UNC13C: variants seen among roughly 807,000 people sequenced by gnomAD.
UNC13C encodes the protein protein unc-13 homolog C.
In UNC13C, 174 loss-of-function variants were observed where a neutral mutation model predicts 245.4. That is an observed-to-expected ratio of 0.71 (90% CI 0.63 to 0.80). The LOEUF (loss-of-function observed/expected upper bound fraction) is 0.80. UNC13C is among the 30% of genes least tolerant of loss of function. The pLI is 0.00. For missense variants in UNC13C, 2,829 were observed against 2,602.9 expected (o/e 1.09, Z -1.89); for synonymous variants, 992 against 895.1 (o/e 1.11, Z -1.93).
chr15:54,247,328 C>T (rs74013539), intron 7 of UNC13C, among the ~76,000 whole-genome samples: 3,862 of 152,134 alleles, frequency 0.025, 161 homozygotes, highest in African/African-American at 0.089. Flanking sequence ...CACTTTTTCC[C>T]TCTTATAGTC....
intron 29 of UNC13C, among the ~76,000 whole-genome samples, chr15:54,560,232 C>T (rs1054515941): frequency 2.8e-4 from 43 of 151,100 alleles, no homozygotes; most frequent in African/African-American, 1.0e-3. Flanking sequence ...GTATATTTAA[C>T]AAAAAAAGGG....
chr15:54,582,219 C>A (rs1898233274), intron 30 of UNC13C, among the ~76,000 whole-genome samples: 2 of 152,102 alleles, frequency 1.3e-5, no homozygotes, highest in South Asian at 4.1e-4. Flanking sequence ...TTATTAAAAT[C>A]TACAGGTCAT....
At chr15:53,895,913 A>T in the UNC13C span, among the ~76,000 whole-genome samples, 1 of 151,918 alleles carries the variant, frequency 6.6e-6, no homozygotes. Context: ...ATTAAGTCTG[A>T]GTCTGTAGGT....
chr15:53,895,864 G>A, the UNC13C span, among the ~76,000 whole-genome samples: 3 of 151,960 alleles, frequency 2.0e-5, no homozygotes, highest in African/African-American at 7.3e-5. Flanking sequence ...CAATCTTAAT[G>A]TCTTTAACAA....
rs532338053 is a variant in UNC13C at position 54,391,982 on chromosome 15, A to C, written c.4714-1066A>C. On this transcript the variant is annotated intron_variant, in intron 17 of 32. Coordinates refer to ENST00000260323, the MANE Select transcript of UNC13C (RefSeq NM_001080534.3). ...GAAGACATGGCAATTGGATATGGCA[A>C]TAGTTTGGGCCAAATACAATCTAAT... Among the ~76,000 whole-genome samples the C allele has an allele frequency of 2.0e-3, 308 of 152,206 alleles. 1 individual carries two copies. Among genetic ancestry groups the C allele is most frequent in the Non-Finnish European group, 2.8e-3 (189 of 67,954 alleles).
chr15:54,463,570 C>T (rs1217130288), intron 19 of UNC13C, among the ~76,000 whole-genome samples: 1 of 152,020 alleles, frequency 6.6e-6, no homozygotes, highest in Non-Finnish European at 1.5e-5. Context: ...GTAACACTCA[C>T]TGCAAAGGTC....
intron 4 of UNC13C, among the ~76,000 whole-genome samples, chr15:54,155,909 T>C (rs1459608573): frequency 1.3e-5 from 2 of 152,194 alleles, no homozygotes; most frequent in Non-Finnish European, 2.9e-5. Flanking sequence ...AAGTGGACAG[T>C]AGTATGTCCG....
intron 4 of UNC13C, among the ~76,000 whole-genome samples, chr15:54,185,895 C>T (rs1304982034): frequency 1.3e-5 from 2 of 151,128 alleles, no homozygotes; most frequent in Non-Finnish European, 1.5e-5. Context: ...ATTCTTCCTA[C>T]CCATGAGCAT....
At chr15:53,877,786 A>G in the UNC13C span, among the ~76,000 whole-genome samples, 2 of 152,218 alleles carry the variant, frequency 1.3e-5, no homozygotes, top group East Asian at 1.9e-4. Context: ...GACATAGACC[A>G]CTTTCCTTTG....
intron 2 of UNC13C, among the ~76,000 whole-genome samples, chr15:54,086,898 C>A (rs1899276532): frequency 6.6e-6 from 1 of 151,814 alleles, no homozygotes; most frequent in Admixed American, 6.6e-5. Flanking sequence ...ACTGACCCAG[C>A]TAATTTTTTG....
intron 2 of UNC13C, among the ~76,000 whole-genome samples, chr15:54,107,767 T>C (rs1330209931): frequency 1.3e-5 from 2 of 152,244 alleles, no homozygotes; most frequent in Non-Finnish European, 2.9e-5. Context: ...TAGGGTGGTT[T>C]TGCTGTTTAC....
At chr15:54,477,861 T>C (rs1892859391) in intron 19 of UNC13C, among the ~76,000 whole-genome samples, 1 of 149,188 alleles carries the variant, frequency 6.7e-6, no homozygotes, top group African/African-American at 2.5e-5. Flanking sequence ...TTTCTATTGA[T>C]TGGAATAGTT....
chr15:54,018,143 AG>A, intron 2 of UNC13C, among the ~76,000 whole-genome samples: 1 of 152,168 alleles, frequency 6.6e-6, no homozygotes. Context: ...GACATTTTCC[AG>A]GCCCCTTTCC....
intron 10 of UNC13C, among the ~76,000 whole-genome samples, chr15:54,277,185 G>A (rs1487388021): frequency 6.6e-6 from 1 of 151,964 alleles, no homozygotes; most frequent in Non-Finnish European, 1.5e-5. Context: ...ATGTTTTCCT[G>A]CCTGATGAAA....
intron 4 of UNC13C, among the ~76,000 whole-genome samples, chr15:54,144,646 G>A (rs762616058): frequency 2.6e-5 from 4 of 151,994 alleles, no homozygotes; most frequent in Non-Finnish European, 5.9e-5. Context: ...GCAACTTGCC[G>A]TTTTCTCTTT....
the UNC13C span, among the ~76,000 whole-genome samples, chr15:53,926,409 A>C: frequency 2.0e-5 from 3 of 152,318 alleles, no homozygotes; most frequent in East Asian, 5.8e-4. Flanking sequence ...TGGATCAAAA[A>C]AGGGATATCA....
At position 54,494,717 on chromosome 15, in the gene UNC13C, T is replaced by G. The variant is rs1893875094; in HGVS notation, c.5043T>G (p.Ala1681=). 6.2e-7 allele frequency: 1 copy of G among 1,610,342 alleles called. No individual in the cohort carries two copies. Among genetic ancestry groups the G allele is most frequent in the Admixed American group, 1.7e-5 (1 of 59,374 alleles). The change falls in exon 20 of 33, where the codon GCT becomes GCG. Residue 1681 remains alanine (A), a synonymous_variant. Coordinates refer to ENST00000260323, the MANE Select transcript of UNC13C (RefSeq NM_001080534.3). ...YVRELPAFKD[A]VPEYSLWFEP... ...GTGAACTTCCTGCCTTCAAGGATGC[T>G]GTTCCTGAATACTCCTTGTAAGTAG...
At chr15:53,995,436 C>T (rs2140966241) in intron 1 of UNC13C, among the ~76,000 whole-genome samples, 1 of 152,184 alleles carries the variant, frequency 6.6e-6, no homozygotes, top group African/African-American at 2.4e-5. Context: ...TATTTCCCCT[C>T]TTGTTCCTCT....
chr15:54,020,819 A>G (rs1165620387), intron 2 of UNC13C, among the ~76,000 whole-genome samples: 2 of 152,090 alleles, frequency 1.3e-5, no homozygotes, highest in Admixed American at 1.3e-4. Flanking sequence ...ATAAATTCCT[A>G]TCCTTCCACA....
Sources: allele counts gnomAD v4.1 joint callset (sites outside exome capture counted in the v4.1 genomes callset), GRCh38; gene constraint gnomAD v4.1.1; transcripts MANE v1.5; gene names NCBI Gene and HGNC (gene_info 2026-07-23, HGNC 2026-07-21).